The following KIAA0513 variants were observed in gnomAD, a reference collection of about 807,000 sequenced individuals.
The protein encoded by KIAA0513 is KIAA0513.
A neutral mutation model predicts 56.5 loss-of-function variants in KIAA0513; 39 were observed. The ratio of observed to expected loss-of-function variants is 0.69; its 90% CI spans 0.53 to 0.90. KIAA0513 has a LOEUF of 0.90. KIAA0513 is among the 40% of genes least tolerant of loss of function. KIAA0513 has a pLI of 0.00. For synonymous variants in KIAA0513, 268 were observed against 215.6 expected, an observed-to-expected ratio of 1.24 and a Z score of -2.13; for missense variants, 591 against 535.2, an observed-to-expected ratio of 1.10 and a Z score of -1.03.
At chr16:85,042,326 A>G (rs867347577) in intron 1 of KIAA0513, among the ~76,000 whole-genome samples, 24 of 152,308 alleles carry the variant, frequency 1.6e-4, no homozygotes, top group Admixed American at 1.0e-3. Context: ...GAGGAGACCT[A>G]TAGGTTGAGT....
chr16:85,053,305 T>A (rs958974413), intron 1 of KIAA0513, among the ~76,000 whole-genome samples: 1 of 152,258 alleles, frequency 6.6e-6, no homozygotes, highest in Admixed American at 6.5e-5. Context: ...ACCCAGCGAA[T>A]GAATGAATTT....
In KIAA0513 at chr16:85,090,983, G is replaced by A. The variant is rs986882613; in HGVS notation, c.*2658G>A. On this transcript the variant is annotated 3_prime_UTR_variant, in exon 13 of 13. Transcript: ENST00000683363. ...CTGCTCAAAGGTCCCTGCGTGGGGA[G>A]GTGTCACACCAGGGGCACACCCAGG... 1.3e-5 allele frequency: 2 copies of A among 152,298 alleles called. No individual in the cohort carries two copies. The highest frequency in any genetic ancestry group is 4.8e-5 in the African/African-American group (2 of 41,462). The allele number at this position is 152,298 out of a possible 1,614,324, so 9.4% of individuals were successfully genotyped here. A position where few individuals can be genotyped will look rare whatever the true frequency, so the allele number is the denominator to read the frequency against.
At chr16:85,077,155 G>A (rs1476086436) in intron 5 of KIAA0513, among the ~76,000 whole-genome samples, 1 of 152,152 alleles carries the variant, frequency 6.6e-6, no homozygotes, top group Non-Finnish European at 1.5e-5. Flanking sequence ...CTTGGGCCTC[G>A]CTCCTCCTGC....
At chr16:85,073,650 A>G (rs1397607521) in intron 4 of KIAA0513, among the ~76,000 whole-genome samples, 5 of 152,206 alleles carry the variant, frequency 3.3e-5, no homozygotes, top group African/African-American at 1.2e-4. Flanking sequence ...TGTGAAATGG[A>G]GGGGATGCCT....
chr16:85,081,474 G>A lies in KIAA0513; in HGVS notation c.980+82G>A. On this transcript the variant is annotated intron_variant, in intron 9 of 12. Transcript: ENST00000683363. The surrounding 1 kb of genome is among the most constrained non-coding windows in gnomAD (Gnocchi z 4.4). ...TATTTCCCGGTTTCGGAAGAGGAGA[G>A]CAGAAGAGCAGCTGAGTGGACGTGT... 8.2e-7 allele frequency: 1 copy of A among 1,216,530 alleles called. No individual in the cohort carries two copies. Among genetic ancestry groups the A allele is most frequent in the Non-Finnish European group, 1.2e-6 (1 of 842,530 alleles). The allele number at this position is 1,216,530 out of a possible 1,614,324, so 75.4% of individuals were successfully genotyped here.
At chr16:85,041,470 C>T (rs893643440) in intron 1 of KIAA0513, among the ~76,000 whole-genome samples, 16 of 152,148 alleles carry the variant, frequency 1.1e-4, no homozygotes, top group East Asian at 1.9e-4. Context: ...TCTCTGTATG[C>T]GTCTCTCTGG....
At chr16:85,047,778 G>A (rs1053702710) in intron 1 of KIAA0513, among the ~76,000 whole-genome samples, 2 of 152,158 alleles carry the variant, frequency 1.3e-5, no homozygotes, top group Non-Finnish European at 2.9e-5. Context: ...ACTCTTGCTC[G>A]CCTCTGGATA....
At chr16:85,044,568 G>C (rs1222247884) in intron 1 of KIAA0513, among the ~76,000 whole-genome samples, 1 of 150,564 alleles carries the variant, frequency 6.6e-6, no homozygotes, top group Non-Finnish European at 1.5e-5. Flanking sequence ...GTGCAATGGT[G>C]CGGTCTCAGC....
intron 5 of KIAA0513, 22 bp downstream of exon 5, chr16:85,075,936 G>T (rs1374061305): frequency 6.4e-7 from 1 of 1,569,956 alleles, no homozygotes; most frequent in Admixed American, 1.7e-5. Flanking sequence ...GTGGGCTGAT[G>T]TGGGGCTCAC....
rs2144086084 is a variant in KIAA0513, at chr16:85,081,231, C to A, written c.903-84C>A. ...AGCTCAGACAGATGTGAGACACTGC[C>A]CTTGTTTATCCCTCAAGGGGCCCAC... On this transcript the variant is annotated intron_variant, in intron 8 of 12. Coordinates refer to ENST00000683363, the MANE Select transcript of KIAA0513 (RefSeq NM_001388359.1). This position sits in a 1 kb window ranked among gnomAD's most constrained non-coding sequence, Gnocchi z 4.4. 8.3e-7 allele frequency: 1 copy of A among 1,199,098 alleles called. No individual in the cohort carries two copies. The highest frequency in any genetic ancestry group is 1.2e-6 in the Non-Finnish European group (1 of 805,122). The allele number at this position is 1,199,098 out of a possible 1,614,324, so 74.3% of individuals were successfully genotyped here. A position where few individuals can be genotyped will look rare whatever the true frequency, so the allele number is the denominator to read the frequency against.
chr16:85,030,978 A>G (rs904661502), intron 1 of KIAA0513, among the ~76,000 whole-genome samples: 1 of 152,194 alleles, frequency 6.6e-6, no homozygotes, highest in African/African-American at 2.4e-5. Flanking sequence ...GATAGTTCCA[A>G]TCTACTCCAT....
At chr16:85,043,054 A>G (rs1192015191) in intron 1 of KIAA0513, among the ~76,000 whole-genome samples, 1 of 152,260 alleles carries the variant, frequency 6.6e-6, no homozygotes, top group East Asian at 1.9e-4. Context: ...AGGAAAGATA[A>G]TTCTTTACAT....
chr16:85,078,415 G>C lies in KIAA0513; in HGVS notation c.783G>C (p.Glu261Asp), dbSNP rs867987962. The stretch of plus-strand genomic sequence containing the variant: ...CATCATTGTGCCTTCTCTCCCTCAG[G>C]GAAGACGAGAACAAACCCCAGGAGA... ...KLKGPLARRN[E>D]EDENKPQEKR... Residue 261 changes from glutamate (E) to aspartate (D), a missense_variant and splice_region_variant, in exon 7 of 13, where the codon GAG becomes GAC. Coordinates refer to ENST00000683363, the MANE Select transcript of KIAA0513 (RefSeq NM_001388359.1). 3 of 1,614,000 alleles carry C rather than the reference G, an allele frequency of 1.9e-6. No individual in the cohort carries two copies. Among genetic ancestry groups the C allele is most frequent in the African/African-American group, 2.7e-5 (2 of 75,040 alleles).
Position 85,089,465 on chromosome 16 carries a change from C to T in KIAA0513, c.*1140C>T, listed in dbSNP as rs1055042180. On this transcript the variant is annotated 3_prime_UTR_variant, in exon 13 of 13. Transcript: ENST00000683363. The surrounding 1 kb of genome is among the most constrained non-coding windows in gnomAD (Gnocchi z 4.2). ...ACCACGGCCCTTCTCTTCTGTGGGTCTGTACCAGGTACTCCAGGCCAGCCC... is the reference window on the plus strand; with the variant it reads ...ACCACGGCCCTTCTCTTCTGTGGGTTTGTACCAGGTACTCCAGGCCAGCCC... The T allele has an allele frequency of 6.5e-6, 1 of 152,708 alleles. No homozygotes were observed. The highest frequency in any genetic ancestry group is 6.5e-5 in the Admixed American group (1 of 15,296). The allele number at this position is 152,708 out of a possible 1,614,324, so 9.5% of individuals were successfully genotyped here.
intron 1 of KIAA0513, among the ~76,000 whole-genome samples, chr16:85,044,612 T>C (rs1233704065): frequency 2.0e-5 from 3 of 151,510 alleles, no homozygotes; most frequent in African/African-American, 7.3e-5. Context: ...GCTCAAGCGG[T>C]TCTTCTGCCT....
At chr16:85,059,514 A>G (rs990619725) in intron 1 of KIAA0513, among the ~76,000 whole-genome samples, 5 of 152,348 alleles carry the variant, frequency 3.3e-5, no homozygotes, top group East Asian at 1.9e-4. Context: ...GAGTGCGAAC[A>G]TGACGCTTAA....
chr16:85,054,835 G>T (rs1357461332), intron 1 of KIAA0513, among the ~76,000 whole-genome samples: 1 of 152,156 alleles, frequency 6.6e-6, no homozygotes, highest in Non-Finnish European at 1.5e-5. Context: ...TGGCAATGTT[G>T]TACGTCCTGG....
intron 1 of KIAA0513, among the ~76,000 whole-genome samples, chr16:85,061,215 C>A (rs1055018090): frequency 2.0e-5 from 3 of 152,188 alleles, no homozygotes; most frequent in Non-Finnish European, 4.4e-5. Flanking sequence ...TATATTGCTG[C>A]AGACAGACTT....
chr16:85,070,975 G>T (rs2073564622), intron 2 of KIAA0513, among the ~76,000 whole-genome samples: 1 of 152,234 alleles, frequency 6.6e-6, no homozygotes, highest in Non-Finnish European at 1.5e-5. Context: ...TATTTCATCT[G>T]ATGCTGTTAT....
Sources: allele counts gnomAD v4.1 joint callset (sites outside exome capture counted in the v4.1 genomes callset), GRCh38; gene constraint gnomAD v4.1.1; non-coding constraint Gnocchi (gnomAD v3.1); transcripts MANE v1.5; gene names NCBI Gene and HGNC (gene_info 2026-07-23, HGNC 2026-07-21).